MCPH1: variants seen among roughly 807,000 people sequenced by gnomAD.
MCPH1 encodes microcephalin.
Under a neutral mutation model 84.5 loss-of-function variants are expected in MCPH1, and 104 were observed. The ratio of observed to expected loss-of-function variants is 1.23; its 90% CI spans 1.05 to 1.45. MCPH1 has a LOEUF of 1.45. Among genes scored for constraint, MCPH1 ranks in the 40% most tolerant of loss-of-function variants. The probability of loss-of-function intolerance (pLI) is 0.00; values close to 1 mark genes in which losing one functional copy is unlikely to be tolerated. For synonymous variants in MCPH1, 514 were observed against 366.8 expected, an observed-to-expected ratio of 1.40 and a Z score of -4.58; for missense variants, 1,498 against 1,005.7, an observed-to-expected ratio of 1.49 and a Z score of -6.62.
intron 12 of MCPH1, among the ~76,000 whole-genome samples, chr8:6,585,861 A>T (rs1440757281): frequency 1.3e-5 from 2 of 152,232 alleles, no homozygotes; most frequent in African/African-American, 2.4e-5. Flanking sequence ...GCTGGCCAAC[A>T]GTCACAGTGT....
intron 9 of MCPH1, among the ~76,000 whole-genome samples, chr8:6,468,646 GTTTT>G (rs57281899): frequency 7.5e-6 from 1 of 132,894 alleles, no homozygotes; most frequent in African/African-American, 2.7e-5. Flanking sequence ...CATTTTTTTG[GTTTT>G]TTTTTTTTTT....
At chr8:6,473,131 A>G (rs1807970781) in intron 9 of MCPH1, among the ~76,000 whole-genome samples, 1 of 152,174 alleles carries the variant, frequency 6.6e-6, no homozygotes, top group Non-Finnish European at 1.5e-5. Context: ...TGTGGTAAAC[A>G]GTAAACCAAA....
intron 13 of MCPH1, among the ~76,000 whole-genome samples, chr8:6,637,656 G>C (rs957583415): frequency 6.6e-6 from 1 of 152,146 alleles, no homozygotes; most frequent in African/African-American, 2.4e-5. Flanking sequence ...TACTCTGTTT[G>C]TGTTTATTTT....
At chr8:6,491,692 T>C (rs1443245322) in intron 11 of MCPH1, among the ~76,000 whole-genome samples, 1 of 151,940 alleles carries the variant, frequency 6.6e-6, no homozygotes, top group Non-Finnish European at 1.5e-5. Flanking sequence ...CTTCTCATTG[T>C]TCAATTCCCA....
At chr8:6,506,957 G>A (rs534482516) in intron 12 of MCPH1, among the ~76,000 whole-genome samples, 1 of 151,990 alleles carries the variant, frequency 6.6e-6, no homozygotes, top group South Asian at 2.1e-4. Flanking sequence ...GATTGTACTG[G>A]TGCGATCTCG....
intron 12 of MCPH1, among the ~76,000 whole-genome samples, chr8:6,575,222 G>T (rs1480320266): frequency 2.6e-5 from 4 of 152,242 alleles, no homozygotes; most frequent in Non-Finnish European, 5.9e-5. Context: ...CTCAATGCCA[G>T]CCTCATTACA....
chr8:6,543,937 G>A (rs977218172), intron 12 of MCPH1, among the ~76,000 whole-genome samples: 3 of 152,228 alleles, frequency 2.0e-5, no homozygotes, highest in East Asian at 1.9e-4. Context: ...ATTATTTAAC[G>A]GGGCTATGTT....
At chr8:6,448,819 A>C (rs1423461092) in intron 8 of MCPH1, among the ~76,000 whole-genome samples, 1 of 152,204 alleles carries the variant, frequency 6.6e-6, no homozygotes, top group Non-Finnish European at 1.5e-5. Flanking sequence ...TCTGTAACAG[A>C]TCAGATAGTA....
chr8:6,621,424 T>A (rs759433758), intron 12 of MCPH1, 30 bp from the exon 13 acceptor site: 13 of 1,612,802 alleles, frequency 8.1e-6, no homozygotes, highest in African/African-American at 1.3e-5. Flanking sequence ...TGGTCCCACC[T>A]CTGTAATTCT....
At chr8:6,491,027 T>C (rs1810508836) in intron 11 of MCPH1, among the ~76,000 whole-genome samples, 1 of 144,416 alleles carries the variant, frequency 6.9e-6, no homozygotes. Flanking sequence ...TTTAGAATAT[T>C]AAAATTTAAA....
At position 6,647,930 on chromosome 8, in the gene MCPH1, AAAAAGAG is replaced by A. The variant is rs1798292650; in HGVS notation, c.*4883_*4889del. ...CACCAATAAAGCTATTTTTTTTAAA[AAAAAGAG>A]AGAGAGAGAACGAGAGCTACATGGC... is the stretch of plus-strand genomic sequence containing the variant. On this transcript the variant is annotated 3_prime_UTR_variant, in exon 14 of 14. Transcript: ENST00000344683. 2 of 142,864 alleles carry A rather than the reference AAAAAGAG, an allele frequency of 1.4e-5. No individual in the cohort carries two copies. Among genetic ancestry groups the A allele is most frequent in the South Asian group, 2.3e-4 (1 of 4,430 alleles). The allele number at this position is 142,864 out of a possible 1,614,324, so 8.8% of individuals were successfully genotyped here. A position where few individuals can be genotyped will look rare whatever the true frequency, so the allele number is the denominator to read the frequency against.
chr8:6,641,433 T>C (rs1050456665), intron 13 of MCPH1, among the ~76,000 whole-genome samples: 1 of 152,202 alleles, frequency 6.6e-6, no homozygotes, highest in Non-Finnish European at 1.5e-5. Context: ...AACTTATACA[T>C]GGCAAAAGTT....
intron 3 of MCPH1, among the ~76,000 whole-genome samples, chr8:6,426,825 G>A (rs916682981): frequency 6.7e-6 from 1 of 149,184 alleles, no homozygotes; most frequent in Non-Finnish European, 1.5e-5. Flanking sequence ...GTATTTCATG[G>A]TTTTTTTTTT....
intron 7 of MCPH1, among the ~76,000 whole-genome samples, chr8:6,443,600 T>G (rs1264438739): frequency 6.6e-6 from 1 of 152,322 alleles, no homozygotes; most frequent in South Asian, 2.1e-4. Flanking sequence ...TTCATATTCA[T>G]TCCAGTAGCT....
At chr8:6,455,047 C>G in intron 8 of MCPH1, 96 bp from the exon 9 acceptor site, 1 of 905,406 alleles carries the variant, frequency 1.1e-6, no homozygotes, top group South Asian at 1.3e-5. Context: ...CTATAACTTC[C>G]TGTTTCCATT....
rs970256800 is a variant in MCPH1, at chr8:6,442,099, C to G, written c.613C>G (p.Pro205Ala). The part of the protein sequence containing the change: ...SQMIQQSHDN[P>A]SNSLCEAPLN... ...AATGATTCAGCAGTCTCATGATAAT[C>G]CAAGTAACTCTCTGTGTGAAGCACC... is the stretch of plus-strand genomic sequence containing the variant. Residue 205 changes from proline to alanine, a missense_variant, in exon 7 of 14, where the codon CCA (proline) becomes GCA (alanine). Pro to Ala is a conservative substitution (Grantham distance 27). Coordinates refer to ENST00000344683, the MANE Select transcript of MCPH1 (RefSeq NM_024596.5). The G allele has an allele frequency of 1.8e-5, 29 of 1,613,558 alleles. No individual in the cohort carries two copies. Among genetic ancestry groups the G allele is most frequent in the Non-Finnish European group, 2.5e-5 (29 of 1,179,544 alleles).
rs1034228434 is a variant in MCPH1 at position 6,621,777 on chromosome 8, C to T, written c.2452+86C>T. On this transcript the variant is annotated intron_variant, in intron 13 of 13. Coordinates refer to ENST00000344683, the MANE Select transcript of MCPH1 (RefSeq NM_024596.5). ...GAGGGCGGCGTCAGGCTCACACCCC[C>T]TTCCACGCAGCTGGGGCACCTGGGT... 5 of 1,573,068 alleles carry T rather than the reference C, an allele frequency of 3.2e-6. No individual in the cohort carries two copies. In the South Asian group the frequency reaches 3.4e-5, roughly 11 times the overall value.
chr8:6,518,846 C>T (rs1476145708), intron 12 of MCPH1, among the ~76,000 whole-genome samples: 1 of 152,144 alleles, frequency 6.6e-6, no homozygotes, highest in Non-Finnish European at 1.5e-5. Flanking sequence ...CACTGATTCT[C>T]CTGTAATATC....
chr8:6,478,432 A>G (rs1333505409), intron 10 of MCPH1, among the ~76,000 whole-genome samples: 1 of 152,246 alleles, frequency 6.6e-6, no homozygotes, highest in Admixed American at 6.5e-5. Flanking sequence ...ATATATGTGT[A>G]ATATTTTTTA....
Sources: allele counts gnomAD v4.1 joint callset (sites outside exome capture counted in the v4.1 genomes callset), GRCh38; gene constraint gnomAD v4.1.1; transcripts MANE v1.5; gene names NCBI Gene and HGNC (gene_info 2026-07-23, HGNC 2026-07-21).